Variants in PRUNE2 observed in about 807,000 individuals in gnomAD.
The protein encoded by PRUNE2 is protein prune homolog 2.
Under a neutral mutation model 252.0 loss-of-function variants are expected in PRUNE2, and 164 were observed. The observed-to-expected ratio is 0.65, with a 90% confidence interval of 0.57 to 0.74. The LOEUF (loss-of-function observed/expected upper bound fraction) is 0.74. Among genes scored for constraint, PRUNE2 ranks in the 30% least tolerant of loss-of-function variants. PRUNE2 has a pLI of 0.00. For missense variants in PRUNE2, 3,495 were observed against 3,711.0 expected, an observed-to-expected ratio of 0.94 and a Z score of 1.51; for synonymous variants, 1,292 against 1,350.2, an observed-to-expected ratio of 0.96 and a Z score of 0.94.
At chr9:76,734,548 G>C (rs1410192522) in intron 6 of PRUNE2, among the ~76,000 whole-genome samples, 1 of 152,098 alleles carries the variant, frequency 6.6e-6, no homozygotes, top group African/African-American at 2.4e-5. Context: ...TTTATCAACA[G>C]GATTAAATGA....
intron 1 of PRUNE2, among the ~76,000 whole-genome samples, chr9:76,899,906 T>C (rs1170125033): frequency 6.6e-6 from 1 of 152,088 alleles, no homozygotes; most frequent in Non-Finnish European, 1.5e-5. Flanking sequence ...GCAGATCAGG[T>C]CATACGAAAA....
At chr9:76,816,637 G>A (rs1006862262) in intron 6 of PRUNE2, among the ~76,000 whole-genome samples, 1 of 152,138 alleles carries the variant, frequency 6.6e-6, no homozygotes, top group Non-Finnish European at 1.5e-5. Flanking sequence ...GACAAAATAT[G>A]AACTAAGAAC....
At chr9:76,774,971 G>C (rs1351934966) in intron 6 of PRUNE2, among the ~76,000 whole-genome samples, 10 of 152,118 alleles carry the variant, frequency 6.6e-5, no homozygotes, top group Admixed American at 6.5e-4. Flanking sequence ...CTACTACACA[G>C]ATGAGTTATG....
rs546859131 is a variant in PRUNE2 at position 76,719,051 on chromosome 9, T to G, written c.757-5330A>C. Among the ~76,000 whole-genome samples, 5 of 152,286 alleles carry G rather than the reference T, an allele frequency of 3.3e-5. No individual in the cohort carries two copies. In the South Asian group the frequency reaches 1.0e-3, roughly 32 times the overall value. On this transcript the variant is annotated intron_variant, in intron 6 of 18. Coordinates refer to ENST00000376718, the MANE Select transcript of PRUNE2 (RefSeq NM_015225.3). The stretch of plus-strand genomic sequence containing the variant: ...GCCACCATCATCTCTTGCCAGAACT[T>G]TAGCAGCAGCATCACAGCTGGTCTC...
chr9:76,633,228 AAG>A (rs775634843), intron 15 of PRUNE2, among the ~76,000 whole-genome samples: 17 of 152,070 alleles, frequency 1.1e-4, no homozygotes, highest in Non-Finnish European at 2.4e-4. Context: ...TTTCAAAAAA[AAG>A]AGAATATTTT....
intron 6 of PRUNE2, among the ~76,000 whole-genome samples, chr9:76,790,546 A>T (rs2055451754): frequency 6.6e-6 from 1 of 152,228 alleles, no homozygotes. Context: ...ACCCACCAGC[A>T]GTAACCCACT....
Position 76,637,306 on chromosome 9 carries a change from G to A in PRUNE2, c.8963+112C>T, listed in dbSNP as rs11144988. 3,526 of 1,027,198 alleles carry A rather than the reference G, an allele frequency of 3.4e-3. 73 individuals carry two copies. In the African/African-American group the frequency reaches 0.047, roughly 14 times the overall value. 63.6% of individuals were successfully genotyped at this position (1,027,198 alleles called of 1,614,324 possible). On this transcript the variant is annotated intron_variant, in intron 14 of 18. Coordinates refer to ENST00000376718, the MANE Select transcript of PRUNE2 (RefSeq NM_015225.3). Reference sequence around the variant, plus strand: ...CTTAGACAATTTATTTGATCTTATTGAGACTTGGTTTCTTCTTGTGTATAA... The same window carrying A: ...CTTAGACAATTTATTTGATCTTATTAAGACTTGGTTTCTTCTTGTGTATAA...
At chr9:76,665,061 C>T (rs1383483672) in intron 9 of PRUNE2, among the ~76,000 whole-genome samples, 1 of 152,158 alleles carries the variant, frequency 6.6e-6, no homozygotes, top group Non-Finnish European at 1.5e-5. Flanking sequence ...CACCACCTTT[C>T]TGTTTACGAT....
intron 4 of PRUNE2, among the ~76,000 whole-genome samples, chr9:76,843,564 C>T (rs999781859): frequency 1.3e-5 from 2 of 152,048 alleles, no homozygotes; most frequent in Non-Finnish European, 2.9e-5. Context: ...TAAAGAGAAC[C>T]CTTTCTAAAG....
chr9:76,752,493 T>G (rs2050726701), intron 6 of PRUNE2, among the ~76,000 whole-genome samples: 1 of 152,116 alleles, frequency 6.6e-6, no homozygotes, highest in Non-Finnish European at 1.5e-5. Context: ...CATGACCACA[T>G]GAGATGTTCA....
intron 6 of PRUNE2, among the ~76,000 whole-genome samples, chr9:76,803,381 A>G (rs2056699153): frequency 6.6e-6 from 1 of 152,212 alleles, no homozygotes; most frequent in African/African-American, 2.4e-5. Context: ...TATAGGACAT[A>G]TACAGATAAG....
Position 76,705,820 on chromosome 9 carries a change from C to T in PRUNE2, c.6454G>A (p.Glu2152Lys). 6.2e-7 allele frequency: 1 copy of T among 1,613,666 alleles called. No individual in the cohort carries two copies. The highest frequency in any genetic ancestry group is 8.5e-7 in the Non-Finnish European group (1 of 1,179,880). ...DEEPIYEPGR[E>K]FVPSNAELDS... ...AGTTCTGCATTGGATGGGACAAACTCCCGTCCAGGCTCATAAATGGGTTCT... is the reference window on the plus strand; with the variant it reads ...AGTTCTGCATTGGATGGGACAAACTTCCGTCCAGGCTCATAAATGGGTTCT... Residue 2152 changes from glutamate (E) to lysine (K), a missense_variant, in exon 8 of 19, where the codon GAG becomes AAG. By Grantham distance (56) the Glu-to-Lys change is moderately conservative. Coordinates refer to ENST00000376718, the MANE Select transcript of PRUNE2 (RefSeq NM_015225.3).
chr9:76,768,579 A>ATGTATG (rs1294850865), intron 6 of PRUNE2, among the ~76,000 whole-genome samples: 2 of 100,510 alleles, frequency 2.0e-5, no homozygotes, highest in African/African-American at 6.4e-5. Context: ...ATATATGTAT[A>ATGTATG]TGTATGTGTG....
intron 9 of PRUNE2, among the ~76,000 whole-genome samples, chr9:76,664,234 G>A (rs2039694159): frequency 6.6e-6 from 1 of 152,178 alleles, no homozygotes; most frequent in African/African-American, 2.4e-5. Flanking sequence ...GGAGAAACCA[G>A]CTACCCTGTT....
At chr9:76,672,005 A>G (rs1159269893) in intron 9 of PRUNE2, among the ~76,000 whole-genome samples, 1 of 151,498 alleles carries the variant, frequency 6.6e-6, no homozygotes, top group South Asian at 2.1e-4. Flanking sequence ...TAACGAGCAA[A>G]ATAACCAGCT....
intron 9 of PRUNE2, among the ~76,000 whole-genome samples, chr9:76,669,657 C>A (rs964851484): frequency 6.6e-5 from 10 of 152,194 alleles, no homozygotes; most frequent in African/African-American, 2.4e-4. Context: ...AGGATCAGGG[C>A]AGACCCACAG....
At chr9:76,799,570 A>G (rs531564219) in intron 6 of PRUNE2, among the ~76,000 whole-genome samples, 1 of 152,162 alleles carries the variant, frequency 6.6e-6, no homozygotes, top group Non-Finnish European at 1.5e-5. Context: ...TTAAACATAA[A>G]AAGTGCCCTG....
In PRUNE2 at chr9:76,854,088, C is replaced by G; in HGVS notation, c.141+16G>C. The stretch of plus-strand genomic sequence containing the variant: ...ATAATTCAAAATATAAGGAGTATTA[C>G]CCTTTTTTCCCTCACCTTGTCTAGA... On this transcript the variant is annotated intron_variant, in intron 2 of 18. Coordinates refer to ENST00000376718, the MANE Select transcript of PRUNE2 (RefSeq NM_015225.3). 1.6e-6 allele frequency: 2 copies of G among 1,289,776 alleles called. No homozygotes were observed. Among genetic ancestry groups the G allele is most frequent in the South Asian group, 2.6e-5 (2 of 78,214 alleles). 79.9% of individuals were successfully genotyped at this position (1,289,776 alleles called of 1,614,324 possible).
At chr9:76,867,218 GCCA>G (rs2060900373) in intron 1 of PRUNE2, among the ~76,000 whole-genome samples, 1 of 25,032 alleles carries the variant, frequency 4.0e-5, no homozygotes, top group Admixed American at 4.1e-4. Context: ...CCCCGCCCCC[GCCA>G]GCAGGTGTTT....
Sources: gnomAD v4.1 joint callset for allele counts (sites outside exome capture counted in the v4.1 genomes callset) on GRCh38, gnomAD v4.1.1 for gene constraint, MANE v1.5 for transcripts, NCBI Gene and HGNC (gene_info 2026-07-23, HGNC 2026-07-21) for gene names.